HSPG2: variants seen among roughly 807,000 people sequenced by gnomAD.
HSPG2 encodes the protein heparan sulfate proteoglycan 2.
HSPG2 carries 278 observed loss-of-function variants against 526.6 expected under a neutral mutation model. The observed-to-expected ratio is 0.53, with a 90% CI of 0.48 to 0.58. The LOEUF is 0.58. HSPG2 is among the 20% of genes least tolerant of loss of function. HSPG2 has a pLI of 0.00. For synonymous variants in HSPG2, 2,465 were observed against 2,555.4 expected (o/e 0.96, Z 1.07); for missense variants, 5,354 against 6,099.5 (o/e 0.88, Z 4.07).
chr1:21,824,973 A>C lies in HSPG2; in HGVS notation c.12590-194T>G. ...CTTGGATGGGAAAGCATTACACCTC[A>C]ATTTCACTCACTTCTCACTGAAATT... On this transcript the variant is annotated intron_variant, in intron 91 of 96. Coordinates refer to ENST00000374695, the MANE Select transcript of HSPG2 (RefSeq NM_005529.7). The surrounding 1 kb of genome is among the most constrained non-coding windows in gnomAD (Gnocchi z 5.9). 4 of 625,240 alleles carry C rather than the reference A, an allele frequency of 6.4e-6. No individual in the cohort carries two copies. In the South Asian group the frequency reaches 7.3e-5, roughly 11 times the overall value. The allele number at this position is 625,240 out of a possible 1,614,324, so 38.7% of individuals were successfully genotyped here.
In HSPG2 at chr1:21,855,370, G is replaced by A. The variant is rs1316843052; in HGVS notation, c.5931C>T (p.Cys1977=). 1 of 1,612,254 alleles carries A rather than the reference G, an allele frequency of 6.2e-7. No homozygotes were observed. Among genetic ancestry groups the A allele is most frequent in the Non-Finnish European group, 8.5e-7 (1 of 1,179,634 alleles). The change falls in exon 47 of 97, where the codon TGC becomes TGT. Residue 1977 remains cysteine, a synonymous_variant. Transcript: ENST00000374695. ...TGGCGCTAGGCACGCCTGCAGCCCT[G>A]CAGTACAGCCTGACGGTGCGGCCTG... ...VHAGRTVRLY[C]RAAGVPSATI...
chr1:21,924,402 A>C (rs1644128986), intron 1 of HSPG2, among the ~76,000 whole-genome samples: 1 of 152,164 alleles, frequency 6.6e-6, no homozygotes, highest in Admixed American at 6.5e-5. Flanking sequence ...CAATAGCGTC[A>C]ATGAAGGAAG....
In HSPG2 at chr1:21,929,631, G is replaced by A. The variant is rs150935503; in HGVS notation, c.63+7524C>T. Among the ~76,000 whole-genome samples the A allele has an allele frequency of 4.3e-4, 63 of 145,426 alleles. 1 individual carries two copies. The East Asian group carries it at 0.01, about 24-fold the overall frequency. ...ATTTTTATTGTCCAAACAAGAGATC[G>A]TAAGAGAAGACACAAATAAATTAAC... On this transcript the variant is annotated intron_variant, in intron 1 of 96. Coordinates refer to ENST00000374695, the MANE Select transcript of HSPG2 (RefSeq NM_005529.7).
chr1:21,907,947 A>G (rs1643465278), intron 1 of HSPG2, among the ~76,000 whole-genome samples: 1 of 152,244 alleles, frequency 6.6e-6, no homozygotes, highest in Non-Finnish European at 1.5e-5. Context: ...AATGGGCACG[A>G]TCATTCATAG....
In HSPG2 at chr1:21,854,210, C is replaced by A; in HGVS notation, c.6422G>T (p.Gly2141Val). Residue 2141 changes from glycine (G) to valine (V), a missense_variant, in exon 50 of 97, where the codon GGC becomes GTC. Transcript: ENST00000374695. Reference protein sequence around the residue: ...TVSVLHGTHSGPSYTPVPGST... With the variant: ...TVSVLHGTHSVPSYTPVPGST... The stretch of plus-strand genomic sequence containing the variant: ...CTCCTCACCTGGGGTGTAGCTGGGG[C>A]CAGAATGGGTGCCGTGGAGCACAGA... The A allele has an allele frequency of 6.3e-7, 1 of 1,592,798 alleles. No individual in the cohort carries two copies. The highest frequency in any genetic ancestry group is 2.3e-5 in the East Asian group (1 of 43,806).
At chr1:21,861,924 T>C in intron 38 of HSPG2, 64 bp downstream of exon 38, 1 of 1,613,990 alleles carries the variant, frequency 6.2e-7, no homozygotes, top group South Asian at 1.1e-5. Flanking sequence ...CAAAAGCCAG[T>C]GCAACGCCTT....
intron 21 of HSPG2, 139 bp from the exon 22 acceptor site, chr1:21,876,791 G>GC: frequency 8.9e-7 from 1 of 1,129,718 alleles, no homozygotes; most frequent in Non-Finnish European, 1.3e-6. Flanking sequence ...GGGCGCGGTG[G>GC]CTCACGCCTG....
At chr1:21,841,943 G>A (rs1019707912) in intron 69 of HSPG2, 59 bp downstream of exon 69, 1 of 1,603,992 alleles carries the variant, frequency 6.2e-7, no homozygotes, top group East Asian at 2.2e-5. Context: ...GCACAGTGGG[G>A]ATGACGGCAC....
intron 29 of HSPG2, 106 bp downstream of exon 29, chr1:21,873,819 G>T: frequency 3.2e-6 from 3 of 944,862 alleles, no homozygotes; most frequent in South Asian, 1.6e-5. Context: ...GGTTAAGAGC[G>T]AGAGGCATCC....
intron 1 of HSPG2, chr1:21,908,578 T>C (rs1338134289): frequency 1.5e-6 from 1 of 680,916 alleles, no homozygotes; most frequent in Non-Finnish European, 2.6e-6. Flanking sequence ...ATTCACGGCA[T>C]AATAGGTATT....
At position 21,824,997 on chromosome 1, in the gene HSPG2, T is replaced by C; in HGVS notation, c.12590-218A>G. On this transcript the variant is annotated intron_variant, in intron 91 of 96. Transcript: ENST00000374695. This position sits in a 1 kb window ranked among gnomAD's most constrained non-coding sequence, Gnocchi z 5.9. ...CAATTTCACTCACTTCTCACTGAAA[T>C]TGAGCAGTTCTTTCAATGAGATGTA... is the stretch of plus-strand genomic sequence containing the variant. 1.7e-6 allele frequency: 1 copy of C among 594,326 alleles called. No individual in the cohort carries two copies. Among genetic ancestry groups the C allele is most frequent in the Non-Finnish European group, 3.0e-6 (1 of 328,546 alleles). The allele number at this position is 594,326 out of a possible 1,614,324, so 36.8% of individuals were successfully genotyped here.
chr1:21,874,120 C>A lies in HSPG2; in HGVS notation c.3657-109G>T, dbSNP rs1052589736. The stretch of plus-strand genomic sequence containing the variant: ...GAGGGGAAGAACAGGCATGTGAACT[C>A]ATGTGTCCTCAGTGCCACTGCATGC... On this transcript the variant is annotated intron_variant, in intron 28 of 96. Coordinates refer to ENST00000374695, the MANE Select transcript of HSPG2 (RefSeq NM_005529.7). 4.9e-5 allele frequency: 48 copies of A among 972,816 alleles called. No homozygotes were observed. The East Asian group carries it at 5.5e-4, about 11-fold the overall frequency. 60.3% of individuals were successfully genotyped at this position (972,816 alleles called of 1,614,324 possible).
Position 21,852,776 on chromosome 1 carries a change from A to G in HSPG2, c.6648T>C (p.Tyr2216=), listed in dbSNP as rs756830539. The G allele has an allele frequency of 2.0e-5, 33 of 1,613,044 alleles. No homozygotes were observed. Among genetic ancestry groups the G allele is most frequent in the Non-Finnish European group, 2.7e-5 (32 of 1,179,984 alleles). ...HQVTPADSGE[Y]VCHVVGTSGP... ...CGGAGGTGCCCACCACATGGCACAC[A>G]TACTCGCCTGAGTCGGCCGGGGTCA... Residue 2216 remains tyrosine, a synonymous_variant, in exon 52 of 97, where the codon TAT becomes TAC. Transcript: ENST00000374695.
In HSPG2 at chr1:21,841,561, A is replaced by C; in HGVS notation, c.9306T>G (p.Ser3102Arg). ...CACCGTGCACACTGAGGTTCACCAC[A>C]CTCTGGGCCACACCGTAGGCATTGG... ...VASNAYGVAQ[S>R]VVNLSVHGPP... The change falls in exon 70 of 97, where the codon AGT becomes AGG. Residue 3102 changes from serine (S) to arginine (R), a missense_variant. Coordinates refer to ENST00000374695, the MANE Select transcript of HSPG2 (RefSeq NM_005529.7). 1.9e-6 allele frequency: 3 copies of C among 1,614,068 alleles called. No individual in the cohort carries two copies. The highest frequency in any genetic ancestry group is 2.5e-6 in the Non-Finnish European group (3 of 1,180,006).
intron 1 of HSPG2, among the ~76,000 whole-genome samples, chr1:21,922,508 G>A (rs373708125): frequency 2.9e-4 from 44 of 152,316 alleles, no homozygotes; most frequent in African/African-American, 1.0e-3. Flanking sequence ...GGCAGTGGAG[G>A]GAGCAGGAGA....
In HSPG2 at chr1:21,842,928, G is replaced by A; in HGVS notation, c.8759-7C>T. On this transcript the variant is annotated splice_region_variant and splice_polypyrimidine_tract_variant and intron_variant, in intron 66 of 96. Coordinates refer to ENST00000374695, the MANE Select transcript of HSPG2 (RefSeq NM_005529.7). The stretch of plus-strand genomic sequence containing the variant: ...GGCTGGGCCAGTCCTGGAGCTGTGG[G>A]CACAGGGGGTGGGTGAGAGAGGCCA... 1 of 1,614,082 alleles carries A rather than the reference G, an allele frequency of 6.2e-7. No homozygotes were observed. Among genetic ancestry groups the A allele is most frequent in the Non-Finnish European group, 8.5e-7 (1 of 1,180,000 alleles).
At chr1:21,920,977 C>T (rs532273942) in intron 1 of HSPG2, among the ~76,000 whole-genome samples, 6 of 152,324 alleles carry the variant, frequency 3.9e-5, no homozygotes, top group East Asian at 1.9e-4. Context: ...TCATCCCCAA[C>T]GGCCATTGTC....
At chr1:21,907,516 ACACT>A (rs1643442465) in intron 1 of HSPG2, among the ~76,000 whole-genome samples, 1 of 152,050 alleles carries the variant, frequency 6.6e-6, no homozygotes, top group Non-Finnish European at 1.5e-5. Flanking sequence ...CCCTTCCCAA[ACACT>A]CACTTTCATC....
intron 91 of HSPG2, among the ~76,000 whole-genome samples, chr1:21,826,730 A>G (rs1348329424): frequency 6.6e-6 from 1 of 151,948 alleles, no homozygotes; most frequent in African/African-American, 2.4e-5. Flanking sequence ...GCTGGTCTCA[A>G]ATTCCCAACC....
Sources: allele counts gnomAD v4.1 joint callset (sites outside exome capture counted in the v4.1 genomes callset), GRCh38; gene constraint gnomAD v4.1.1; non-coding constraint Gnocchi (gnomAD v3.1); transcripts MANE v1.5; gene names NCBI Gene and HGNC (gene_info 2026-07-23, HGNC 2026-07-21).